Variants in GHR observed in about 807,000 individuals in gnomAD.
The protein encoded by GHR is GH receptor.
GHR carries 35 observed loss-of-function variants against 67.1 expected under a neutral mutation model. The observed-to-expected ratio is 0.52, with a 90% CI of 0.40 to 0.69. The LOEUF is 0.69. Among genes scored for constraint, GHR ranks in the 30% least tolerant of loss-of-function variants. The probability of loss-of-function intolerance (pLI) is 0.00; values close to 1 mark genes in which losing one functional copy is unlikely to be tolerated. For missense variants in GHR, 792 were observed against 764.6 expected (o/e 1.04, Z -0.42); for synonymous variants, 272 against 269.1 (o/e 1.01, Z -0.10).
intron 1 of GHR, among the ~76,000 whole-genome samples, chr5:42,492,825 C>G (rs947689290): frequency 6.6e-6 from 1 of 152,126 alleles, no homozygotes. Flanking sequence ...CATGTGCATT[C>G]AAATTCAAGA....
In GHR at chr5:42,628,963, T is replaced by C. The variant is rs946350803; in HGVS notation, c.71-75T>C. On this transcript the variant is annotated intron_variant, in intron 2 of 9. Coordinates refer to ENST00000230882, the MANE Select transcript of GHR (RefSeq NM_000163.5). Reference sequence around the variant, plus strand: ...TTGGTTTGGGAAGCTGAGGATTTTGTTTTTAGTTTACACAGGGTCATATCA... The same window carrying C: ...TTGGTTTGGGAAGCTGAGGATTTTGCTTTTAGTTTACACAGGGTCATATCA... 2.0e-5 allele frequency: 18 copies of C among 888,612 alleles called. 1 individual carries two copies. The South Asian group carries it at 2.6e-4, about 13-fold the overall frequency. 55.0% of individuals were successfully genotyped at this position (888,612 alleles called of 1,614,324 possible).
chr5:42,717,255 C>A (rs1436469323), intron 8 of GHR, among the ~76,000 whole-genome samples: 1 of 152,114 alleles, frequency 6.6e-6, no homozygotes, highest in African/African-American at 2.4e-5. Context: ...ATTATGATTG[C>A]ACCACTGGAC....
At chr5:42,506,082 G>A (rs150455190) in intron 1 of GHR, among the ~76,000 whole-genome samples, 15 of 152,224 alleles carry the variant, frequency 9.9e-5, no homozygotes, top group African/African-American at 3.4e-4. Context: ...CTGGAGCCAC[G>A]AGCCGTGGTG....
chr5:42,427,583 ATC>A (rs1742909225), intron 1 of GHR, among the ~76,000 whole-genome samples: 1 of 152,038 alleles, frequency 6.6e-6, no homozygotes, highest in African/African-American at 2.4e-5. Flanking sequence ...CCCCTCCTAA[ATC>A]TCATGTTCTC....
chr5:42,583,002 C>T (rs779389303), intron 2 of GHR, among the ~76,000 whole-genome samples: 2 of 152,048 alleles, frequency 1.3e-5, no homozygotes, highest in African/African-American at 2.4e-5. Context: ...AGGCTGGTAG[C>T]GCAACCCGAG....
chr5:42,700,874 G>A (rs1757898745), intron 6 of GHR, among the ~76,000 whole-genome samples: 1 of 152,146 alleles, frequency 6.6e-6, no homozygotes, highest in Non-Finnish European at 1.5e-5. Flanking sequence ...TACAATACTG[G>A]GCTTTGAGGC....
chr5:42,649,987 G>C (rs2112819607), intron 3 of GHR, among the ~76,000 whole-genome samples: 1 of 152,238 alleles, frequency 6.6e-6, no homozygotes, highest in South Asian at 2.1e-4. Flanking sequence ...ACTTCAGTTG[G>C]AAGAAAAAAT....
chr5:42,475,887 T>G (rs945132446), intron 1 of GHR, among the ~76,000 whole-genome samples: 11 of 151,600 alleles, frequency 7.3e-5, no homozygotes, highest in Non-Finnish European at 4.4e-5. Context: ...GAAATATACA[T>G]CAGATTCATC....
intron 1 of GHR, among the ~76,000 whole-genome samples, chr5:42,428,178 G>C (rs1283158714): frequency 6.6e-6 from 1 of 152,220 alleles, no homozygotes; most frequent in African/African-American, 2.4e-5. Context: ...CTGAAATCTA[G>C]GTGGAAGTTC....
intron 2 of GHR, among the ~76,000 whole-genome samples, chr5:42,628,627 G>C (rs1753817776): frequency 7.6e-6 from 1 of 132,026 alleles, no homozygotes; most frequent in Admixed American, 7.3e-5. Context: ...GAAGCTTCGA[G>C]TTAGCAAAAA....
intron 2 of GHR, among the ~76,000 whole-genome samples, chr5:42,614,269 C>T (rs1312736249): frequency 2.0e-5 from 3 of 151,990 alleles, no homozygotes; most frequent in Admixed American, 6.6e-5. Context: ...TTTTTAAAAG[C>T]GTAACTTTCA....
chr5:42,603,469 G>A (rs188078001), intron 2 of GHR, among the ~76,000 whole-genome samples: 136 of 151,768 alleles, frequency 9.0e-4, no homozygotes, highest in African/African-American at 3.3e-3. Flanking sequence ...TGTATATTCC[G>A]TAATATGTAT....
chr5:42,641,677 A>G (rs1754483458), intron 3 of GHR, among the ~76,000 whole-genome samples: 1 of 152,142 alleles, frequency 6.6e-6, no homozygotes, highest in Admixed American at 6.5e-5. Flanking sequence ...TCTGTGAAAG[A>G]CCAGCTGGGG....
At chr5:42,631,489 T>C (rs1439918710) in intron 3 of GHR, among the ~76,000 whole-genome samples, 1 of 152,214 alleles carries the variant, frequency 6.6e-6, no homozygotes, top group Non-Finnish European at 1.5e-5. Flanking sequence ...CAGACTCAAG[T>C]GCTCACATCA....
chr5:42,563,094 A>G (rs1177820457), intron 1 of GHR, among the ~76,000 whole-genome samples: 1 of 152,222 alleles, frequency 6.6e-6, no homozygotes, highest in Non-Finnish European at 1.5e-5. Flanking sequence ...ATGTCTGAAG[A>G]GGTGACTTCC....
At chr5:42,710,713 G>A (rs1758411872) in intron 6 of GHR, among the ~76,000 whole-genome samples, 1 of 152,040 alleles carries the variant, frequency 6.6e-6, no homozygotes, top group Non-Finnish European at 1.5e-5. Context: ...GATTTTTCTA[G>A]GACCTTTTCC....
At position 42,574,016 on chromosome 5, in the gene GHR, C is replaced by CA. The variant is rs534191614; in HGVS notation, c.70+8078dup. ...ATATTTTCCAGAGCCTTGGCTCTCC[C>CA]AAAAAATGAGAGGTCATTTTTCAGG... On this transcript the variant is annotated intron_variant, in intron 2 of 9. Coordinates refer to ENST00000230882, the MANE Select transcript of GHR (RefSeq NM_000163.5). 2.1e-3 allele frequency among the ~76,000 whole-genome samples: 316 copies of CA among 152,238 alleles called. 2 individuals are homozygous for CA. The highest frequency in any genetic ancestry group is 0.012 in the South Asian group (56 of 4,814).
chr5:42,535,304 T>A (rs1019717740), intron 1 of GHR, among the ~76,000 whole-genome samples: 2 of 152,148 alleles, frequency 1.3e-5, no homozygotes, highest in African/African-American at 4.8e-5. Flanking sequence ...TAGATTTAAG[T>A]CCTTAATCCA....
chr5:42,465,354 G>A, intron 1 of GHR: 1 of 859,986 alleles, frequency 1.2e-6, no homozygotes. Flanking sequence ...TTACCCACCA[G>A]TAAGAGAAAG....
Sources: gnomAD v4.1 joint callset for allele counts (sites outside exome capture counted in the v4.1 genomes callset) on GRCh38, gnomAD v4.1.1 for gene constraint, MANE v1.5 for transcripts, NCBI Gene and HGNC (gene_info 2026-07-23, HGNC 2026-07-21) for gene names.